The following MTSS2 variants were observed in gnomAD, a reference collection of about 807,000 sequenced individuals.
MTSS2 encodes protein MTSS 2.
Under a neutral mutation model 67.1 loss-of-function variants are expected in MTSS2, and 27 were observed. The observed-to-expected ratio is 0.40, with a 90% CI of 0.30 to 0.55. MTSS2 has a LOEUF of 0.55. MTSS2 is among the 20% of genes least tolerant of loss of function. The probability of loss-of-function intolerance (pLI) is 0.43; values close to 1 mark genes in which losing one functional copy is unlikely to be tolerated. For missense variants in MTSS2, 1,171 were observed against 1,067.8 expected, an observed-to-expected ratio of 1.10 and a Z score of -1.35; for synonymous variants, 624 against 468.6, an observed-to-expected ratio of 1.33 and a Z score of -4.28.
At chr16:70,674,637 A>C in intron 10 of MTSS2, 109 bp from the exon 11 acceptor site, 2 of 914,404 alleles carry the variant, frequency 2.2e-6, no homozygotes, top group Non-Finnish European at 3.3e-6. Context: ...GGGCAAAGGA[A>C]GGAAAAGACA....
intron 7 of MTSS2, among the ~76,000 whole-genome samples, chr16:70,679,065 C>T (rs908407833): frequency 2.0e-5 from 3 of 152,158 alleles, no homozygotes; most frequent in Admixed American, 2.0e-4. Context: ...GGGCCTGTGG[C>T]CCCCATCCCG....
intron 11 of MTSS2, 141 bp from the exon 12 acceptor site, chr16:70,665,681 C>T: frequency 1.5e-6 from 1 of 675,736 alleles, no homozygotes; most frequent in South Asian, 1.9e-5. Flanking sequence ...CCCACCCCCC[C>T]TACCCCAGGG....
rs773762855 is a variant in MTSS2, at chr16:70,663,872, C to T, written c.2049G>A (p.Ala683=). Reference sequence around the variant, plus strand: ...GGCCCTCACCCAGTGCGTGGGCACCCGCCACCAGCTCCCCCAGCTTCTCCA... The same window carrying T: ...GGCCCTCACCCAGTGCGTGGGCACCTGCCACCAGCTCCCCCAGCTTCTCCA... ...SLVEKLGELV[A]GAHALGEGQF... Residue 683 remains alanine (A), a synonymous_variant, in exon 15 of 15, where the codon GCG becomes GCA. Coordinates refer to ENST00000338779, the MANE Select transcript of MTSS2 (RefSeq NM_138383.3). The T allele has an allele frequency of 5.5e-5, 85 of 1,544,572 alleles. No individual in the cohort carries two copies. The highest frequency in any genetic ancestry group is 9.8e-5 in the Admixed American group (5 of 51,026).
rs747681926 is a variant in MTSS2 at position 70,664,119 on chromosome 16, G to C, written c.1802C>G (p.Ser601Cys). Residue 601 changes from serine (S) to cysteine (C), a missense_variant, in exon 15 of 15, where the codon TCC becomes TGC. Around this residue, in one of 2 missense-constraint regions of MTSS2, gnomAD observed 924 missense variants for 756.0 expected, o/e 1.22. Transcript: ENST00000338779. ...VPVKTPTVPD[S>C]PGYMGPTRAG... ...CCGTGTGGGCCCCATGTAGCCGGGG[G>C]AGTCAGGCACCGTGGGCGTCTTCAC... The C allele has an allele frequency of 4.3e-6, 7 of 1,611,422 alleles. No homozygotes were observed. Among genetic ancestry groups the C allele is most frequent in the African/African-American group, 1.3e-5 (1 of 74,920 alleles).
In MTSS2 at chr16:70,679,824, T is replaced by A; in HGVS notation, c.344A>T (p.Lys115Met). 6.2e-7 allele frequency: 1 copy of A among 1,608,842 alleles called. No homozygotes were observed. The highest frequency in any genetic ancestry group is 8.5e-7 in the Non-Finnish European group (1 of 1,179,658). ...NPLQERIEDW[K>M]KAANQLDKDH... ...CTTGTCCAGCTGGTTGGCCGCCTTCTTCCAGTCCTCGATGCGCTCCTGCAG... is the reference window on the plus strand; with the variant it reads ...CTTGTCCAGCTGGTTGGCCGCCTTCATCCAGTCCTCGATGCGCTCCTGCAG... The change falls in exon 5 of 15, where the codon AAG becomes ATG. Residue 115 changes from lysine (K) to methionine (M), a missense_variant. Around this residue, in one of 2 missense-constraint regions of MTSS2, gnomAD observed 247 missense variants for 311.8 expected, o/e 0.79. Coordinates refer to ENST00000338779, the MANE Select transcript of MTSS2 (RefSeq NM_138383.3).
intron 10 of MTSS2, among the ~76,000 whole-genome samples, chr16:70,674,913 G>A (rs889168129): frequency 6.6e-6 from 1 of 152,216 alleles, no homozygotes; most frequent in African/African-American, 2.4e-5. Flanking sequence ...AGGAGTTCAA[G>A]ACCAGCCTGG....
chr16:70,673,717 G>T (rs2053016558), intron 11 of MTSS2, among the ~76,000 whole-genome samples: 1 of 151,850 alleles, frequency 6.6e-6, no homozygotes, highest in African/African-American at 2.4e-5. Context: ...GTCATTTGTG[G>T]GTACTGTAAA....
intron 1 of MTSS2, among the ~76,000 whole-genome samples, chr16:70,682,707 T>A (rs181033161): frequency 3.8e-4 from 54 of 143,416 alleles, no homozygotes; most frequent in Non-Finnish European, 6.7e-4. Context: ...TTATGTCTTA[T>A]TTGTTTATAT....
At chr16:70,676,743 A>G (rs1242329893) in intron 10 of MTSS2, 138 bp downstream of exon 10, 12 of 700,372 alleles carry the variant, frequency 1.7e-5, no homozygotes, top group Non-Finnish European at 3.0e-5. Context: ...CCCTCTACAT[A>G]TGCAAATTCC....
intron 9 of MTSS2, among the ~76,000 whole-genome samples, chr16:70,677,568 C>A (rs772039131): frequency 1.3e-5 from 2 of 152,182 alleles, no homozygotes; most frequent in Admixed American, 1.3e-4. Context: ...AGGACTTCAC[C>A]CATCTACTCT....
At chr16:70,671,840 T>C (rs936325013) in intron 11 of MTSS2, among the ~76,000 whole-genome samples, 1 of 152,230 alleles carries the variant, frequency 6.6e-6, no homozygotes, top group African/African-American at 2.4e-5. Flanking sequence ...TGCACTGACA[T>C]GGGGACAACC....
chr16:70,679,689 C>T lies in MTSS2; in HGVS notation c.398G>A (p.Arg133Gln), dbSNP rs2053235151. Reference protein sequence around the residue: ...KDHAKEYKRARHEIKKKSSDT... With the variant: ...KDHAKEYKRAQHEIKKKSSDT... Reference sequence around the variant, plus strand: ...CGACGACTTCTTTTTGATCTCATGCCGGGCTCGTTTGTACTCTGCAGAAGG... The same window carrying T: ...CGACGACTTCTTTTTGATCTCATGCTGGGCTCGTTTGTACTCTGCAGAAGG... Residue 133 changes from arginine to glutamine, a missense_variant, in exon 6 of 15, where the codon CGG becomes CAG. Physicochemically the swap from Arg to Gln is conservative, Grantham distance 43. Coordinates refer to ENST00000338779, the MANE Select transcript of MTSS2 (RefSeq NM_138383.3). The T allele has an allele frequency of 2.5e-6, 4 of 1,611,332 alleles. No individual in the cohort carries two copies. The highest frequency in any genetic ancestry group is 1.1e-5 in the South Asian group (1 of 90,432).
chr16:70,674,622 G>T, intron 10 of MTSS2, 94 bp from the exon 11 acceptor site: 2 of 1,095,062 alleles, frequency 1.8e-6, no homozygotes, highest in Non-Finnish European at 2.7e-6. Flanking sequence ...GGGGAAAGAG[G>T]TGAGGGGCAA....
Position 70,664,768 on chromosome 16 carries a change from G to A in MTSS2, c.1306-5C>T, listed in dbSNP as rs770691449. 1.3e-4 allele frequency: 208 copies of A among 1,606,908 alleles called. No individual in the cohort carries two copies. The highest frequency in any genetic ancestry group is 1.7e-4 in the Non-Finnish European group (199 of 1,176,926). On this transcript the variant is annotated splice_polypyrimidine_tract_variant and splice_region_variant and intron_variant, in intron 13 of 14. Transcript: ENST00000338779. ...GGGGGACACCTCCTCACCGTGCTGA[G>A]GGTGGGAAAGTGCAGGCTGAAGCCT...
chr16:70,663,550 A>T lies in MTSS2; in HGVS notation c.*127T>A, dbSNP rs1343615641. 7 of 1,412,258 alleles carry T rather than the reference A, an allele frequency of 5.0e-6. No individual in the cohort carries two copies. The highest frequency in any genetic ancestry group is 6.5e-6 in the Non-Finnish European group (7 of 1,080,286). 87.5% of individuals were successfully genotyped at this position (1,412,258 alleles called of 1,614,324 possible). A position where few individuals can be genotyped will look rare whatever the true frequency, so the allele number is the denominator to read the frequency against. On this transcript the variant is annotated 3_prime_UTR_variant, in exon 15 of 15. Coordinates refer to ENST00000338779, the MANE Select transcript of MTSS2 (RefSeq NM_138383.3). ...AATCCAAGTGAGGTGTCTTTCCATAAAGTGGCATGGCCTCTGCCCTGGCTC... is the reference window on the plus strand; with the variant it reads ...AATCCAAGTGAGGTGTCTTTCCATATAGTGGCATGGCCTCTGCCCTGGCTC...
chr16:70,664,795 G>A (rs2052639838), intron 13 of MTSS2, 32 bp from the exon 14 acceptor site: 1 of 1,576,758 alleles, frequency 6.3e-7, no homozygotes, highest in Non-Finnish European at 8.6e-7. Context: ...CTGAAGCCTT[G>A]CGCCCCCAAT....
chr16:70,680,086 C>A (rs777076851), intron 3 of MTSS2, 31 bp from the exon 4 acceptor site: 2 of 1,442,640 alleles, frequency 1.4e-6, no homozygotes, highest in African/African-American at 1.5e-5. Context: ...TGGGAAGGGG[C>A]CCGCTGGGGC....
At chr16:70,668,557 G>A (rs1432447012) in intron 11 of MTSS2, among the ~76,000 whole-genome samples, 1 of 152,164 alleles carries the variant, frequency 6.6e-6, no homozygotes, top group Non-Finnish European at 1.5e-5. Context: ...GATGATGAAG[G>A]CAGCACTGCT....
intron 11 of MTSS2, among the ~76,000 whole-genome samples, chr16:70,672,731 GATCCAGAATAT>G (rs1178242777): frequency 6.8e-6 from 1 of 147,382 alleles, no homozygotes. Flanking sequence ...CTGAAGAAAT[GATCCAGAATAT>G]ATCCGGAGAA....
Sources: gnomAD v4.1 joint callset for allele counts (sites outside exome capture counted in the v4.1 genomes callset) on GRCh38, gnomAD v4.1.1 for gene constraint, gnomAD v4.1.1 regional missense constraint, MANE v1.5 for transcripts, NCBI Gene and HGNC (gene_info 2026-07-23, HGNC 2026-07-21) for gene names.